SPEF2: variants seen among roughly 807,000 people sequenced by gnomAD.
The protein encoded by SPEF2 is sperm flagellar and cilia associated 2.
In SPEF2, 187 loss-of-function variants were observed where a neutral mutation model predicts 224.6. The ratio of observed to expected loss-of-function variants is 0.83; its 90% CI spans 0.74 to 0.94. The LOEUF (loss-of-function observed/expected upper bound fraction) is 0.94, where lower values mean the gene tolerates loss of function less well. Ranked by LOEUF, SPEF2 falls within the 40% of genes least tolerant of loss-of-function variation. SPEF2 has a pLI of 0.00. For missense variants in SPEF2, 2,170 were observed against 2,135.6 expected (o/e 1.02, Z -0.32); for synonymous variants, 715 against 707.3 (o/e 1.01, Z -0.17).
chr5:35,651,414 C>A (rs1208041911), intron 6 of SPEF2, among the ~76,000 whole-genome samples: 3 of 152,200 alleles, frequency 2.0e-5, no homozygotes, highest in Non-Finnish European at 4.4e-5. Context: ...AGGCCTGGGG[C>A]AGCTGAAGTC....
chr5:35,810,124 A>G (rs1262830661), intron 36 of SPEF2, among the ~76,000 whole-genome samples: 1 of 152,206 alleles, frequency 6.6e-6, no homozygotes, highest in Non-Finnish European at 1.5e-5. Flanking sequence ...TTGAGAAAAG[A>G]AAATAGCCAA....
intron 30 of SPEF2, chr5:35,790,425 T>TA: frequency 2.3e-6 from 1 of 433,696 alleles, no homozygotes; most frequent in South Asian, 7.5e-5. Context: ...TTTTGCATAG[T>TA]AAAAAATAAA....
chr5:35,744,703 G>T (rs900763546), intron 23 of SPEF2, among the ~76,000 whole-genome samples: 50 of 152,086 alleles, frequency 3.3e-4, no homozygotes, highest in Non-Finnish European at 3.1e-4. Flanking sequence ...AGTGAGCCAA[G>T]ATCACGCCAC....
chr5:35,746,440 G>A (rs1275088990), intron 23 of SPEF2, among the ~76,000 whole-genome samples: 1 of 152,110 alleles, frequency 6.6e-6, no homozygotes, highest in Non-Finnish European at 1.5e-5. Flanking sequence ...AGTGAAGGGA[G>A]AAATATTCAA....
intron 1 of SPEF2, among the ~76,000 whole-genome samples, chr5:35,625,229 TAA>T (rs879325778): frequency 6.6e-6 from 1 of 152,146 alleles, no homozygotes; most frequent in Non-Finnish European, 1.5e-5. Context: ...TGAAGTACAT[TAA>T]GTGTTTACTA....
chr5:35,647,530 C>G (rs1747558634), intron 5 of SPEF2, among the ~76,000 whole-genome samples: 1 of 152,090 alleles, frequency 6.6e-6, no homozygotes, highest in South Asian at 2.1e-4. Flanking sequence ...TCACTTACCC[C>G]CAGGGAGGTC....
At chr5:35,805,058 G>A (rs925388472) in intron 34 of SPEF2, among the ~76,000 whole-genome samples, 5 of 152,154 alleles carry the variant, frequency 3.3e-5, no homozygotes, top group Admixed American at 6.5e-5. Context: ...AGATTCCTGG[G>A]TGGAAATACT....
intron 30 of SPEF2, chr5:35,789,824 A>G (rs1452122798): frequency 2.8e-6 from 2 of 702,846 alleles, no homozygotes; most frequent in African/African-American, 3.5e-5. Flanking sequence ...AGAGGTATCC[A>G]TCCTGACTGC....
In SPEF2 at chr5:35,709,074, G is replaced by A; in HGVS notation, c.2792G>A (p.Ser931Asn). The A allele has an allele frequency of 1.2e-6, 2 of 1,613,862 alleles. No individual in the cohort carries two copies. Among genetic ancestry groups the A allele is most frequent in the Non-Finnish European group, 1.7e-6 (2 of 1,179,942 alleles). ...GAAAAAGAGAAGGAAATTCATCAAA[G>A]CCATGTGGCTTCAAAAACTCCTACT... ...EPEKEKEIHQ[S>N]HVASKTPTAK... The change falls in exon 19 of 37, where the codon AGC (serine) becomes AAC (asparagine). Residue 931 changes from serine to asparagine, a missense_variant. Physicochemically the swap from Ser to Asn is conservative, Grantham distance 46 (BLOSUM62 1). Transcript: ENST00000356031.
Position 35,700,270 on chromosome 5 carries a change from A to T in SPEF2, c.2142-226A>T, listed in dbSNP as rs6862961. 19,861 of 562,292 alleles carry T rather than the reference A, an allele frequency of 0.035. 636 individuals are homozygous for T. The highest frequency in any genetic ancestry group is 0.1 in the African/African-American group (5,456 of 53,244). 34.8% of individuals were successfully genotyped at this position (562,292 alleles called of 1,614,324 possible). A position where few individuals can be genotyped will look rare whatever the true frequency, so the allele number is the denominator to read the frequency against. On this transcript the variant is annotated intron_variant, in intron 15 of 36. Transcript: ENST00000356031. ...TGGCCAGTTAATTTTAATGTGTTAA[A>T]GCCTCTGGAATAGATTTGGAGGGCA...
intron 8 of SPEF2, among the ~76,000 whole-genome samples, chr5:35,664,777 A>G (rs368416645): frequency 6.9e-6 from 1 of 144,218 alleles, no homozygotes; most frequent in Non-Finnish European, 1.5e-5. Context: ...AGAGAGAGAG[A>G]GAGAAAGAGG....
chr5:35,751,797 C>T (rs1295692250), intron 23 of SPEF2, among the ~76,000 whole-genome samples: 4 of 152,128 alleles, frequency 2.6e-5, no homozygotes, highest in African/African-American at 9.7e-5. Context: ...CTGGCTCTAC[C>T]ACATTGAAAT....
chr5:35,771,862 T>C, intron 27 of SPEF2, 106 bp downstream of exon 27: 1 of 1,339,826 alleles, frequency 7.5e-7, no homozygotes, highest in Non-Finnish European at 1.0e-6. Context: ...ACTAAAATAC[T>C]ACTCATTAGG....
At chr5:35,808,247 G>A (rs755823438) in intron 36 of SPEF2, 10 of 795,896 alleles carry the variant, frequency 1.3e-5, no homozygotes, top group Non-Finnish European at 1.5e-5. Context: ...AACTGAAGTT[G>A]ATTTCTTTTT....
At chr5:35,727,943 T>C in intron 21 of SPEF2, 120 bp downstream of exon 21, 1 of 1,072,624 alleles carries the variant, frequency 9.3e-7, no homozygotes, top group Non-Finnish European at 1.3e-6. Flanking sequence ...TATCTATCCA[T>C]CTGAGATTTT....
In SPEF2 at chr5:35,619,410, C is replaced by T. The variant is rs552407809; in HGVS notation, c.58+1355C>T. Among the ~76,000 whole-genome samples, 32 of 152,268 alleles carry T rather than the reference C, an allele frequency of 2.1e-4. No individual in the cohort carries two copies. In the South Asian group the frequency reaches 2.9e-3, roughly 14 times the overall value. ...GTAAAAACCACACCCGGGCCGGGTG[C>T]GGTGGCTCACGCCTGTAATGCCAGC... On this transcript the variant is annotated intron_variant, in intron 1 of 36. Transcript: ENST00000356031.
intron 30 of SPEF2, chr5:35,788,209 GA>G: frequency 1.4e-6 from 1 of 702,964 alleles, no homozygotes; most frequent in East Asian, 2.7e-5. Context: ...AACTAATGAT[GA>G]GGACCATGAG....
At chr5:35,733,200 C>A (rs953906468) in intron 21 of SPEF2, among the ~76,000 whole-genome samples, 1 of 151,962 alleles carries the variant, frequency 6.6e-6, no homozygotes, top group African/African-American at 2.4e-5. Flanking sequence ...CTGCAAGCAC[C>A]GCCTCCCAGG....
At chr5:35,664,122 AG>A (rs1294206008) in intron 8 of SPEF2, among the ~76,000 whole-genome samples, 1 of 152,120 alleles carries the variant, frequency 6.6e-6, no homozygotes, top group Non-Finnish European at 1.5e-5. Context: ...CTTCTTGTCT[AG>A]GTCAGGCCTC....
Sources: allele counts gnomAD v4.1 joint callset (sites outside exome capture counted in the v4.1 genomes callset), GRCh38; gene constraint gnomAD v4.1.1; transcripts MANE v1.5; gene names NCBI Gene and HGNC (gene_info 2026-07-23, HGNC 2026-07-21).